Variants in ADK observed in about 807,000 individuals in gnomAD.
ADK encodes the protein adenosine kinase, also known as N6,N6-dimethyladenosine kinase.
In ADK, 24 loss-of-function variants were observed where a neutral mutation model predicts 44.7. That is an observed-to-expected ratio of 0.54 (90% CI 0.39 to 0.76). The LOEUF (loss-of-function observed/expected upper bound fraction) is 0.76, where lower values mean the gene tolerates loss of function less well. Ranked by LOEUF, ADK falls within the 30% of genes least tolerant of loss-of-function variation. The probability of loss-of-function intolerance (pLI) is 0.00; values close to 1 mark genes in which losing one functional copy is unlikely to be tolerated. For missense variants in ADK, 321 were observed against 425.1 expected (o/e 0.76, Z 2.15); for synonymous variants, 128 against 142.6 (o/e 0.90, Z 0.73).
At chr10:74,269,593 G>C (rs1846348400) in intron 3 of ADK, among the ~76,000 whole-genome samples, 1 of 152,118 alleles carries the variant, frequency 6.6e-6, no homozygotes, top group Non-Finnish European at 1.5e-5. Context: ...TTGTGCTTTA[G>C]TTGCTATTTA....
chr10:74,243,163 T>G (rs1333620752), intron 3 of ADK, among the ~76,000 whole-genome samples: 2 of 152,200 alleles, frequency 1.3e-5, no homozygotes, highest in Admixed American at 6.5e-5. Flanking sequence ...AAAAGACCAC[T>G]GTAACACTTT....
chr10:74,330,026 G>C (rs947259999), intron 4 of ADK, among the ~76,000 whole-genome samples: 2 of 151,894 alleles, frequency 1.3e-5, no homozygotes, highest in Non-Finnish European at 2.9e-5. Flanking sequence ...AAATTAGCCA[G>C]GCACGGTGGT....
At chr10:74,447,504 C>A (rs190199105) in intron 6 of ADK, among the ~76,000 whole-genome samples, 15 of 152,170 alleles carry the variant, frequency 9.9e-5, no homozygotes, top group Non-Finnish European at 2.1e-4. Flanking sequence ...AGAGCTCCTC[C>A]TATGTTTGCT....
chr10:74,177,718 G>A (rs1164735974), intron 1 of ADK, among the ~76,000 whole-genome samples: 2 of 151,970 alleles, frequency 1.3e-5, no homozygotes, highest in African/African-American at 4.8e-5. Flanking sequence ...GAGAAAGGGA[G>A]GCCCCAGCAC....
At chr10:74,480,246 A>G (rs1191669722) in intron 6 of ADK, among the ~76,000 whole-genome samples, 1 of 144,388 alleles carries the variant, frequency 6.9e-6, no homozygotes, top group Non-Finnish European at 1.5e-5. Context: ...TTTTTTAAAG[A>G]GACAGAGTCT....
intron 9 of ADK, chr10:74,661,302 C>T (rs1354954802): frequency 1.0e-6 from 1 of 968,402 alleles, no homozygotes; most frequent in Non-Finnish European, 1.2e-6. Context: ...ATAGTAGCAA[C>T]ATTACTTGAA....
rs11813920 is a variant in ADK, at chr10:74,483,371, A to T, written c.556-41885A>T. ...CTGGTCCCTGAGCCTGGCCTAGGAA[A>T]GCACTCTTCGCTTTTATGACTCTGG... On this transcript the variant is annotated intron_variant, in intron 6 of 10. Coordinates refer to ENST00000539909, the MANE Select transcript of ADK (RefSeq NM_006721.4). Among the ~76,000 whole-genome samples the T allele has an allele frequency of 5.0e-3, 757 of 152,274 alleles. 10 individuals carry two copies. The highest frequency in any genetic ancestry group is 0.017 in the African/African-American group (709 of 41,560).
At chr10:74,329,126 A>G (rs1386947131) in intron 4 of ADK, among the ~76,000 whole-genome samples, 5 of 148,686 alleles carry the variant, frequency 3.4e-5, no homozygotes, top group African/African-American at 9.8e-5. Context: ...AAAAAAAAAA[A>G]AAAAGAAATT....
intron 7 of ADK, among the ~76,000 whole-genome samples, chr10:74,588,886 G>A (rs1190507060): frequency 6.6e-6 from 1 of 152,140 alleles, no homozygotes; most frequent in African/African-American, 2.4e-5. Flanking sequence ...TGATTTTTCT[G>A]AATTTATACA....
chr10:74,614,116 G>A (rs966131418), intron 9 of ADK, among the ~76,000 whole-genome samples: 1 of 152,114 alleles, frequency 6.6e-6, no homozygotes, highest in African/African-American at 2.4e-5. Flanking sequence ...AGAATAACAT[G>A]TGGACCTGTC....
chr10:74,556,945 C>A (rs912619935), intron 7 of ADK, among the ~76,000 whole-genome samples: 1 of 152,184 alleles, frequency 6.6e-6, no homozygotes, highest in Non-Finnish European at 1.5e-5. Context: ...ACCCCTCTTA[C>A]TGTGACTCTT....
intron 6 of ADK, among the ~76,000 whole-genome samples, chr10:74,401,155 C>T (rs1843693740): frequency 6.6e-6 from 1 of 152,164 alleles, no homozygotes; most frequent in Non-Finnish European, 1.5e-5. Flanking sequence ...GCTATGGTGA[C>T]TAGGTAATTA....
chr10:74,689,818 C>T (rs1421632737), intron 10 of ADK, among the ~76,000 whole-genome samples: 1 of 152,156 alleles, frequency 6.6e-6, no homozygotes, highest in East Asian at 1.9e-4. Flanking sequence ...TTGTCAGCAC[C>T]CACATCAAAT....
chr10:74,279,339 C>T (rs936590741), intron 3 of ADK, among the ~76,000 whole-genome samples: 1 of 151,842 alleles, frequency 6.6e-6, no homozygotes, highest in African/African-American at 2.4e-5. Context: ...CCTGTAATCC[C>T]AGCACTTTGG....
At chr10:74,550,163 C>T (rs574277012) in intron 7 of ADK, among the ~76,000 whole-genome samples, 4 of 151,596 alleles carry the variant, frequency 2.6e-5, no homozygotes, top group East Asian at 3.9e-4. Context: ...CTCTGCCTCC[C>T]GGGTTCAAGT....
At chr10:74,190,724 T>C (rs1842927447) in intron 1 of ADK, among the ~76,000 whole-genome samples, 1 of 152,096 alleles carries the variant, frequency 6.6e-6, no homozygotes, top group South Asian at 2.1e-4. Context: ...ACTCTGAAAA[T>C]GGGACTTTGA....
chr10:74,707,856 C>G (rs192330862), intron 10 of ADK, among the ~76,000 whole-genome samples: 2 of 151,510 alleles, frequency 1.3e-5, no homozygotes, highest in Non-Finnish European at 2.9e-5. Flanking sequence ...AGGGGAAGCT[C>G]ATGATGTTTG....
chr10:74,422,620 T>G (rs1844599162), intron 6 of ADK, among the ~76,000 whole-genome samples: 1 of 152,208 alleles, frequency 6.6e-6, no homozygotes, highest in Non-Finnish European at 1.5e-5. Context: ...TATATCTAAG[T>G]TCCCAAATAT....
intron 6 of ADK, among the ~76,000 whole-genome samples, chr10:74,468,924 GT>G (rs111665770): frequency 6.6e-6 from 1 of 151,862 alleles, no homozygotes; most frequent in African/African-American, 2.4e-5. Flanking sequence ...GCTTTGTTTT[GT>G]TCAAATTATA....
Sources: allele counts gnomAD v4.1 joint callset (sites outside exome capture counted in the v4.1 genomes callset), GRCh38; gene constraint gnomAD v4.1.1; transcripts MANE v1.5; gene names NCBI Gene and HGNC (gene_info 2026-07-23, HGNC 2026-07-21).